HLA-DPB1: variants seen among roughly 807,000 people sequenced by gnomAD.
HLA-DPB1 encodes the protein major histocompatibility complex, class II, DP beta 1, also known as HLA class II histocompatibility antigen, DP beta 1 chain.
In HLA-DPB1, 30 loss-of-function variants were observed where a neutral mutation model predicts 29.4. That is an observed-to-expected ratio of 1.02 (90% CI 0.76 to 1.38). The LOEUF is 1.38. HLA-DPB1 is among the 40% of genes most tolerant of loss of function. The pLI is 0.00. For synonymous variants in HLA-DPB1, 114 were observed against 134.0 expected, an observed-to-expected ratio of 0.85 and a Z score of 1.03; for missense variants, 261 against 327.5, an observed-to-expected ratio of 0.80 and a Z score of 1.57.
At chr6:33,084,409 A>T (rs9277434) in intron 2 of HLA-DPB1, among the ~76,000 whole-genome samples, 2 of 151,952 alleles carry the variant, frequency 1.3e-5, no homozygotes, top group East Asian at 3.9e-4. Flanking sequence ...TATCTTTTCA[A>T]TGCTACCCTT....
rs1315442167 is a variant in HLA-DPB1, at chr6:33,089,446, C to CTT, written c.*2913_*2914insTT. Among the ~76,000 whole-genome samples the CTT allele has an allele frequency of 6.6e-6, 1 of 152,194 alleles. No individual in the cohort carries two copies. The highest frequency in any genetic ancestry group is 1.5e-5 in the Non-Finnish European group (1 of 68,050). ...GCAGGAAGCTCTGCTCATCATCGTA[C>CTT]TCAGGAAGTCAGGCTGACAGTCTTT... On this transcript the variant is annotated 3_prime_UTR_variant, in exon 6 of 6. Coordinates refer to ENST00000418931, the MANE Select transcript of HLA-DPB1 (RefSeq NM_002121.6).
chr6:33,083,047 T>C (rs758960331), intron 2 of HLA-DPB1, among the ~76,000 whole-genome samples: 3 of 152,152 alleles, frequency 2.0e-5, no homozygotes, highest in African/African-American at 4.8e-5. Context: ...GGGGAAGAAA[T>C]TGTAGGTAAT....
intron 1 of HLA-DPB1, 94 bp downstream of exon 1, chr6:33,076,235 C>T: frequency 4.8e-6 from 4 of 832,662 alleles, no homozygotes; most frequent in Non-Finnish European, 7.8e-6. Context: ...AGACAGGCTG[C>T]GGGGGCTCCT....
intron 1 of HLA-DPB1, among the ~76,000 whole-genome samples, chr6:33,078,757 T>C (rs576675442): frequency 8.0e-4 from 122 of 152,226 alleles, no homozygotes; most frequent in Non-Finnish European, 1.5e-3. Flanking sequence ...TTAAAAAAAT[T>C]AAATGTTGCA....
chr6:33,087,033 ATTC>A lies in HLA-DPB1; in HGVS notation c.*502_*504del. 5.3e-6 allele frequency: 1 copy of A among 187,664 alleles called. No homozygotes were observed. The highest frequency in any genetic ancestry group is 1.1e-4 in the South Asian group (1 of 8,734). The allele number at this position is 187,664 out of a possible 1,614,324, so 11.6% of individuals were successfully genotyped here. A position where few individuals can be genotyped will look rare whatever the true frequency, so the allele number is the denominator to read the frequency against. Reference sequence around the variant, plus strand: ...TCATCCATTTATGTCTCAGACCACTATTCTTAACTATTCAATGGTGAGCAGACT... The same window carrying A: ...TCATCCATTTATGTCTCAGACCACTATTAACTATTCAATGGTGAGCAGACT... On this transcript the variant is annotated 3_prime_UTR_variant, in exon 6 of 6. Transcript: ENST00000418931.
At chr6:33,078,947 G>C (rs1398518139) in intron 1 of HLA-DPB1, among the ~76,000 whole-genome samples, 1 of 152,142 alleles carries the variant, frequency 6.6e-6, no homozygotes, top group Admixed American at 6.5e-5. Flanking sequence ...GAGCTGGGGG[G>C]CTCTGGGCCT....
chr6:33,081,013 G>T, intron 2 of HLA-DPB1, 78 bp downstream of exon 2: 1 of 1,438,304 alleles, frequency 7.0e-7, no homozygotes, highest in Non-Finnish European at 9.2e-7. Flanking sequence ...AGCCGGGTTG[G>T]CCTAAGGGAC....
intron 1 of HLA-DPB1, among the ~76,000 whole-genome samples, chr6:33,078,742 G>A (rs920405754): frequency 2.6e-5 from 4 of 152,086 alleles, no homozygotes; most frequent in African/African-American, 9.7e-5. Flanking sequence ...CTAAGACTGG[G>A]TAAATTAAAA....
intron 1 of HLA-DPB1, among the ~76,000 whole-genome samples, chr6:33,076,379 G>GTA (rs9282410): frequency 2.6e-5 from 4 of 151,756 alleles, no homozygotes; most frequent in Non-Finnish European, 5.9e-5. Flanking sequence ...CCAGTGGTCA[G>GTA]TGTCTTTGGG....
At position 33,080,061 on chromosome 6, in the gene HLA-DPB1, A is replaced by C. The variant is rs530320446; in HGVS notation, c.101-611A>C. On this transcript the variant is annotated intron_variant, in intron 1 of 5. Transcript: ENST00000418931. This position sits in a 1 kb window ranked among gnomAD's most constrained non-coding sequence, Gnocchi z 4.3. The stretch of plus-strand genomic sequence containing the variant: ...GTTTGAAAATTAACTTTCAGGCTAC[A>C]GAGTCTTTCTTATACCAAAGTTGAA... 6.6e-6 allele frequency among the ~76,000 whole-genome samples: 1 copy of C among 152,240 alleles called. No homozygotes were observed. Among genetic ancestry groups the C allele is most frequent in the Non-Finnish European group, 1.5e-5 (1 of 68,042 alleles).
In HLA-DPB1 at chr6:33,087,578, A is replaced by G. The variant is rs9501257; in HGVS notation, c.*1044A>G. Among the ~76,000 whole-genome samples the G allele has an allele frequency of 0.18, 27,643 of 152,034 alleles. 4,216 individuals are homozygous for G. Among genetic ancestry groups the G allele is most frequent in the African/African-American group, 0.42 (17,394 of 41,362 alleles). On this transcript the variant is annotated 3_prime_UTR_variant, in exon 6 of 6. Coordinates refer to ENST00000418931, the MANE Select transcript of HLA-DPB1 (RefSeq NM_002121.6). ...TGCACAGCAGCTCTCTTATACATCC[A>G]GTTGATGCCTTCAGTCTCCCTGGCT... is the stretch of plus-strand genomic sequence containing the variant.
At position 33,086,951 on chromosome 6, in the gene HLA-DPB1, C is replaced by T; in HGVS notation, c.*417C>T. 1 of 236,816 alleles carries T rather than the reference C, an allele frequency of 4.2e-6. No homozygotes were observed. Among genetic ancestry groups the T allele is most frequent in the South Asian group, 5.4e-5 (1 of 18,640 alleles). 14.7% of individuals were successfully genotyped at this position (236,816 alleles called of 1,614,324 possible). ...GTATAATGGGGCCTGTTACACATGACACTCTTCTGAATTGACTGTATTTCA... is the reference window on the plus strand; with the variant it reads ...GTATAATGGGGCCTGTTACACATGATACTCTTCTGAATTGACTGTATTTCA... On this transcript the variant is annotated 3_prime_UTR_variant, in exon 6 of 6. Transcript: ENST00000418931.
chr6:33,085,968 G>A, intron 4 of HLA-DPB1, 79 bp downstream of exon 4: 1 of 972,308 alleles, frequency 1.0e-6, no homozygotes, highest in Non-Finnish European at 1.6e-6. Flanking sequence ...GGGTTTGACA[G>A]AAAAGAAATG....
rs41559424 is a variant in HLA-DPB1 at position 33,085,221 on chromosome 6, C to T, written c.636C>T (p.Thr212=). 6.1e-3 allele frequency: 9,778 copies of T among 1,603,186 alleles called. 51 individuals are homozygous for T. The highest frequency in any genetic ancestry group is 7.7e-3 in the South Asian group (697 of 90,320). The part of the protein sequence containing the change: ...VEHTSLDSPV[T]VEWKAQSDSA... ...ACACCAGCCTGGATAGTCCTGTCAC[C>T]GTGGAGTGGAGTGAGTCTCTGATGA... The change falls in exon 3 of 6, where the codon ACC becomes ACT. Residue 212 remains threonine (T), a synonymous_variant. Coordinates refer to ENST00000418931, the MANE Select transcript of HLA-DPB1 (RefSeq NM_002121.6).
In HLA-DPB1 at chr6:33,080,979, G is replaced by A; in HGVS notation, c.364+44G>A. On this transcript the variant is annotated intron_variant, in intron 2 of 5. Transcript: ENST00000418931. This position sits in a 1 kb window ranked among gnomAD's most constrained non-coding sequence, Gnocchi z 4.3. ...CCGGCGGTCCCAGGGCAGCCCCGCG[G>A]GCCCGTGCCCAGGGCGCAGGAGCAG... 6.6e-7 allele frequency: 1 copy of A among 1,524,862 alleles called. No individual in the cohort carries two copies. Among genetic ancestry groups the A allele is most frequent in the Non-Finnish European group, 8.8e-7 (1 of 1,141,356 alleles). The allele number at this position is 1,524,862 out of a possible 1,614,324, so 94.5% of individuals were successfully genotyped here. A position where few individuals can be genotyped will look rare whatever the true frequency, so the allele number is the denominator to read the frequency against.
Position 33,080,363 on chromosome 6 carries a change from T to C in HLA-DPB1, c.101-309T>C. The stretch of plus-strand genomic sequence containing the variant: ...TCTCCCAGTGACCCCACGTGAAACG[T>C]CTCCGCCTCCTCCAGCCACCAGCAG... On this transcript the variant is annotated intron_variant, in intron 1 of 5. Coordinates refer to ENST00000418931, the MANE Select transcript of HLA-DPB1 (RefSeq NM_002121.6). The surrounding 1 kb of genome is among the most constrained non-coding windows in gnomAD (Gnocchi z 4.3). 1.7e-6 allele frequency: 1 copy of C among 584,418 alleles called. No homozygotes were observed. The highest frequency in any genetic ancestry group is 3.3e-6 in the Non-Finnish European group (1 of 303,206). 36.2% of individuals were successfully genotyped at this position (584,418 alleles called of 1,614,324 possible).
In HLA-DPB1 at chr6:33,086,585, T is replaced by C; in HGVS notation, c.*51T>C. 1 of 574,072 alleles carries C rather than the reference T, an allele frequency of 1.7e-6. No individual in the cohort carries two copies. The highest frequency in any genetic ancestry group is 3.3e-6 in the Non-Finnish European group (1 of 300,670). The allele number at this position is 574,072 out of a possible 1,614,324, so 35.6% of individuals were successfully genotyped here. On this transcript the variant is annotated 3_prime_UTR_variant, in exon 6 of 6. Transcript: ENST00000418931. Reference sequence around the variant, plus strand: ...GACTATTGTGCCTTAGGAAAAGCATTTGCTGTGTTTCGTTAGCATCTGGCT... The same window carrying C: ...GACTATTGTGCCTTAGGAAAAGCATCTGCTGTGTTTCGTTAGCATCTGGCT...
rs9501259 is a variant in HLA-DPB1, at chr6:33,087,774, G to T, written c.*1240G>T. 2.8e-3 allele frequency among the ~76,000 whole-genome samples: 430 copies of T among 152,146 alleles called. 6 individuals carry two copies. Among genetic ancestry groups the T allele is most frequent in the African/African-American group, 9.3e-3 (387 of 41,432 alleles). On this transcript the variant is annotated 3_prime_UTR_variant, in exon 6 of 6. Transcript: ENST00000418931. ...TGGGGCTGAAGGCACAGACTTGGGCGTCACTGGCACAGATATAAGTAAATA... is the reference window on the plus strand; with the variant it reads ...TGGGGCTGAAGGCACAGACTTGGGCTTCACTGGCACAGATATAAGTAAATA...
chr6:33,080,648 C>T lies in HLA-DPB1; in HGVS notation c.101-24C>T. The T allele has an allele frequency of 1.2e-6, 2 of 1,612,252 alleles. No homozygotes were observed. The highest frequency in any genetic ancestry group is 1.7e-6 in the Non-Finnish European group (2 of 1,179,260). ...GGATTAGATGAGAGTGGCGCCTCCG[C>T]TCATGTCCGCCCCCTCCCCGCAGAG... On this transcript the variant is annotated intron_variant, in intron 1 of 5. Coordinates refer to ENST00000418931, the MANE Select transcript of HLA-DPB1 (RefSeq NM_002121.6). The surrounding 1 kb of genome is among the most constrained non-coding windows in gnomAD (Gnocchi z 4.3).
Sources: allele counts gnomAD v4.1 joint callset (sites outside exome capture counted in the v4.1 genomes callset), GRCh38; gene constraint gnomAD v4.1.1; non-coding constraint Gnocchi (gnomAD v3.1); transcripts MANE v1.5; gene names NCBI Gene and HGNC (gene_info 2026-07-23, HGNC 2026-07-21).